The following KCNT2 variants were observed in gnomAD, a reference collection of about 807,000 sequenced individuals.
The protein encoded by KCNT2 is potassium channel subfamily T member 2.
Under a neutral mutation model 153.8 loss-of-function variants are expected in KCNT2, and 67 were observed. The ratio of observed to expected loss-of-function variants is 0.44; its 90% CI spans 0.36 to 0.53. The LOEUF (loss-of-function observed/expected upper bound fraction) is 0.53. Ranked by LOEUF, KCNT2 falls within the 20% of genes least tolerant of loss-of-function variation. The pLI is 0.00. For missense variants in KCNT2, 975 were observed against 1,354.8 expected (o/e 0.72, Z 4.40); for synonymous variants, 500 against 458.8 (o/e 1.09, Z -1.15).
At chr1:196,257,249 G>T (rs1374797353) in intron 26 of KCNT2, 2 of 984,910 alleles carry the variant, frequency 2.0e-6, no homozygotes, top group Non-Finnish European at 2.4e-6. Context: ...ATAGAGTAGT[G>T]CTAACTTAAT....
At chr1:196,433,024 A>G (rs576334581) in intron 8 of KCNT2, among the ~76,000 whole-genome samples, 366 of 152,184 alleles carry the variant, frequency 2.4e-3, no homozygotes, top group Non-Finnish European at 3.9e-3. Flanking sequence ...AGGGTAGAGC[A>G]CTCATGAATA....
chr1:196,265,517 A>G (rs1657454167), intron 25 of KCNT2, among the ~76,000 whole-genome samples: 2 of 152,172 alleles, frequency 1.3e-5, no homozygotes, highest in African/African-American at 2.4e-5. Flanking sequence ...GACACTAGGC[A>G]CAGGGGAATA....
At chr1:196,559,652 A>T (rs1246581414) in intron 1 of KCNT2, among the ~76,000 whole-genome samples, 3 of 151,828 alleles carry the variant, frequency 2.0e-5, no homozygotes, top group Non-Finnish European at 4.4e-5. Context: ...TTTCACACTA[A>T]ACAGCTTAAT....
At chr1:196,337,159 C>G (rs1203943764) in intron 16 of KCNT2, among the ~76,000 whole-genome samples, 1 of 150,664 alleles carries the variant, frequency 6.6e-6, no homozygotes, top group African/African-American at 2.4e-5. Context: ...TTCCCTTCAC[C>G]CCCGCAAAAC....
chr1:196,390,145 C>T (rs1366148234), intron 13 of KCNT2, among the ~76,000 whole-genome samples: 3 of 151,380 alleles, frequency 2.0e-5, no homozygotes, highest in Non-Finnish European at 4.4e-5. Context: ...TGTGTACTTG[C>T]AAACTATTTC....
At chr1:196,256,246 C>T (rs1656479307) in intron 26 of KCNT2, among the ~76,000 whole-genome samples, 1 of 151,818 alleles carries the variant, frequency 6.6e-6, no homozygotes. Context: ...TACCACTGAG[C>T]CATTTTTTAA....
chr1:196,232,647 T>TA (rs1398528362), intron 27 of KCNT2, among the ~76,000 whole-genome samples: 1 of 151,528 alleles, frequency 6.6e-6, no homozygotes, highest in African/African-American at 2.4e-5. Flanking sequence ...TAATAAAAAA[T>TA]AAGAGTATCT....
At chr1:196,396,479 C>T (rs1312973390) in intron 13 of KCNT2, among the ~76,000 whole-genome samples, 1 of 151,558 alleles carries the variant, frequency 6.6e-6, no homozygotes. Context: ...TAAGTGACAG[C>T]TTGATGCACT....
chr1:196,306,525 T>G (rs917575195), intron 21 of KCNT2, among the ~76,000 whole-genome samples: 2 of 152,088 alleles, frequency 1.3e-5, no homozygotes, highest in African/African-American at 2.4e-5. Context: ...CTCTGGAAGG[T>G]TGATGGATGA....
At chr1:196,482,762 A>G (rs1214590956) in intron 3 of KCNT2, among the ~76,000 whole-genome samples, 1 of 152,136 alleles carries the variant, frequency 6.6e-6, no homozygotes, top group Non-Finnish European at 1.5e-5. Flanking sequence ...GTATAAATAC[A>G]ACAGTATAAA....
At chr1:196,471,686 T>C (rs1306865924) in intron 5 of KCNT2, among the ~76,000 whole-genome samples, 1 of 152,166 alleles carries the variant, frequency 6.6e-6, no homozygotes, top group Non-Finnish European at 1.5e-5. Context: ...GCAGATTGTA[T>C]AATTTAGTTC....
intron 8 of KCNT2, among the ~76,000 whole-genome samples, chr1:196,440,610 G>A (rs1354959520): frequency 6.6e-6 from 1 of 151,834 alleles, no homozygotes; most frequent in Non-Finnish European, 1.5e-5. Flanking sequence ...AAAATGACTT[G>A]GGTAACTTTT....
At chr1:196,473,203 G>A (rs934950071) in intron 5 of KCNT2, among the ~76,000 whole-genome samples, 4 of 152,182 alleles carry the variant, frequency 2.6e-5, no homozygotes, top group African/African-American at 4.8e-5. Context: ...GCTCTCAACC[G>A]AAATCTGGGT....
intron 27 of KCNT2, among the ~76,000 whole-genome samples, chr1:196,230,053 G>C (rs1200063531): frequency 6.6e-6 from 1 of 151,984 alleles, no homozygotes; most frequent in Non-Finnish European, 1.5e-5. Flanking sequence ...GATGAAGGTG[G>C]CTAAATTAAA....
rs574962631 is a variant in KCNT2, at chr1:196,539,779, A to C, written c.96-47438T>G. Among the ~76,000 whole-genome samples, 52 of 151,970 alleles carry C rather than the reference A, an allele frequency of 3.4e-4. 1 individual carries two copies. In the East Asian group the frequency reaches 3.7e-3, roughly 11 times the overall value. On this transcript the variant is annotated intron_variant, in intron 1 of 27. Transcript: ENST00000294725. ...CTGATGTCTAAAGGTAATTCAGCAA[A>C]TCTTTTAGTTACTAGCCACTAAACA...
In KCNT2 at chr1:196,429,734, T is replaced by G; in HGVS notation, c.662A>C (p.Glu221Ala). The change falls in exon 9 of 28, where the codon GAA becomes GCA. Residue 221 changes from glutamate to alanine, a missense_variant. Physicochemically the swap from Glu to Ala is moderately radical, Grantham distance 107. Coordinates refer to ENST00000294725, the MANE Select transcript of KCNT2 (RefSeq NM_198503.5). ...FTCICGIQHL[E>A]RIGKKLNLFD... ...GAGATTCAGCTTCTTTCCTATTCGTTCCAGATGTTGGATCCCACAAATGCT... is the reference window on the plus strand; with the variant it reads ...GAGATTCAGCTTCTTTCCTATTCGTGCCAGATGTTGGATCCCACAAATGCT... The G allele has an allele frequency of 6.2e-7, 1 of 1,605,318 alleles. No homozygotes were observed. Among genetic ancestry groups the G allele is most frequent in the Non-Finnish European group, 8.5e-7 (1 of 1,176,830 alleles).
chr1:196,556,708 G>C (rs1658717621), intron 1 of KCNT2, among the ~76,000 whole-genome samples: 2 of 151,420 alleles, frequency 1.3e-5, no homozygotes, highest in Admixed American at 1.3e-4. Context: ...GTTCACAATA[G>C]CCAAGATTTT....
intron 1 of KCNT2, among the ~76,000 whole-genome samples, chr1:196,606,241 G>A (rs1195280935): frequency 1.3e-5 from 2 of 152,152 alleles, no homozygotes; most frequent in Non-Finnish European, 2.9e-5. Context: ...ATGGCTGAAT[G>A]ACTTTCCCAA....
At chr1:196,551,426 G>A (rs1301718057) in intron 1 of KCNT2, among the ~76,000 whole-genome samples, 2 of 151,694 alleles carry the variant, frequency 1.3e-5, no homozygotes, top group Non-Finnish European at 2.9e-5. Flanking sequence ...GGGATTCTTT[G>A]GTGGAGAAAG....
Sources: gnomAD v4.1 joint callset for allele counts (sites outside exome capture counted in the v4.1 genomes callset) on GRCh38, gnomAD v4.1.1 for gene constraint, MANE v1.5 for transcripts, NCBI Gene and HGNC (gene_info 2026-07-23, HGNC 2026-07-21) for gene names.